The following XPO6 variants were observed in gnomAD, a reference collection of about 807,000 sequenced individuals.
XPO6 encodes the protein exportin 6.
Under a neutral mutation model 130.0 loss-of-function variants are expected in XPO6, and 3 were observed. The ratio of observed to expected loss-of-function variants is 0.02; its 90% confidence interval spans 0.01 to 0.06. The LOEUF (loss-of-function observed/expected upper bound fraction) is 0.06, where lower values mean the gene tolerates loss of function less well. Among genes scored for constraint, XPO6 ranks in the 10% least tolerant of loss-of-function variants. XPO6 has a pLI of 1.00. For missense variants in XPO6, 970 were observed against 1,393.0 expected, an observed-to-expected ratio of 0.70 and a Z score of 4.83; for synonymous variants, 524 against 548.9, an observed-to-expected ratio of 0.95 and a Z score of 0.63.
intron 6 of XPO6, among the ~76,000 whole-genome samples, chr16:28,158,223 A>C (rs12597515): frequency 0.57 from 87,233 of 152,090 alleles, 27,460 homozygotes; most frequent in South Asian, 0.72. Flanking sequence ...TCTACATTAA[A>C]ATGGCTGTTG....
In XPO6 at chr16:28,135,242, A is replaced by G. The variant is rs778200046; in HGVS notation, c.1417T>C (p.Leu473=). Residue 473 remains leucine, a synonymous_variant, in exon 10 of 24, where the codon TTG becomes CTG. Coordinates refer to ENST00000304658, the MANE Select transcript of XPO6 (RefSeq NM_015171.4). ...TCGTCATCCAGAGTCTCATCATCCAACTCCTCCAGCTGGGCTTGGTTGTAT... is the reference window on the plus strand; with the variant it reads ...TCGTCATCCAGAGTCTCATCATCCAGCTCCTCCAGCTGGGCTTGGTTGTAT... ...FRYNQAQLEE[L]DDETLDDDQQ... The G allele has an allele frequency of 1.9e-6, 3 of 1,613,188 alleles. No homozygotes were observed. The highest frequency in any genetic ancestry group is 1.7e-6 in the Non-Finnish European group (2 of 1,179,694).
chr16:28,206,317 G>A (rs992114368), intron 1 of XPO6, among the ~76,000 whole-genome samples: 1 of 152,082 alleles, frequency 6.6e-6, no homozygotes, highest in African/African-American at 2.4e-5. Context: ...GAGGCAAGAG[G>A]ACTGCTTGAG....
At chr16:28,103,039 C>T (rs189072728) in intron 21 of XPO6, among the ~76,000 whole-genome samples, 2 of 152,142 alleles carry the variant, frequency 1.3e-5, no homozygotes, top group Admixed American at 1.3e-4. Context: ...GGAAGTATAA[C>T]AGAGTAAACT....
chr16:28,200,618 T>C (rs1441223818), intron 1 of XPO6, among the ~76,000 whole-genome samples: 1 of 152,124 alleles, frequency 6.6e-6, no homozygotes, highest in African/African-American at 2.4e-5. Flanking sequence ...CCTAGTGATC[T>C]AGAAAAAAAC....
At chr16:28,182,522 A>G (rs567044764) in intron 1 of XPO6, among the ~76,000 whole-genome samples, 6 of 152,184 alleles carry the variant, frequency 3.9e-5, no homozygotes, top group Non-Finnish European at 8.8e-5. Flanking sequence ...CAATACTTTG[A>G]GCGCTTGTGA....
At chr16:28,155,383 C>T (rs770208376) in intron 7 of XPO6, among the ~76,000 whole-genome samples, 2 of 151,938 alleles carry the variant, frequency 1.3e-5, no homozygotes, top group Non-Finnish European at 2.9e-5. Context: ...CATAAATGAC[C>T]TCATCTGCAA....
At position 28,106,302 on chromosome 16, in the gene XPO6, G is replaced by A. The variant is rs576754100; in HGVS notation, c.2612+81C>T. The A allele has an allele frequency of 1.7e-5, 28 of 1,606,956 alleles. No individual in the cohort carries two copies. Among genetic ancestry groups the A allele is most frequent in the African/African-American group, 2.7e-5 (2 of 74,674 alleles). On this transcript the variant is annotated intron_variant, in intron 19 of 23. Transcript: ENST00000304658. This position sits in a 1 kb window ranked among gnomAD's most constrained non-coding sequence, Gnocchi z 4.2. ...CCATGCTGTGGCAAGTGCAGAACAGGAGCAAAAAGCCACACTTTGTCGCCA... is the reference window on the plus strand; with the variant it reads ...CCATGCTGTGGCAAGTGCAGAACAGAAGCAAAAAGCCACACTTTGTCGCCA...
rs1365800645 is a variant in XPO6 at position 28,211,688 on chromosome 16, G to A, written c.-320C>T. 1.3e-5 allele frequency: 5 copies of A among 392,916 alleles called. No homozygotes were observed. Among genetic ancestry groups the A allele is most frequent in the African/African-American group, 2.1e-5 (1 of 48,328 alleles). 24.3% of individuals were successfully genotyped at this position (392,916 alleles called of 1,614,324 possible). A position where few individuals can be genotyped will look rare whatever the true frequency, so the allele number is the denominator to read the frequency against. On this transcript the variant is annotated 5_prime_UTR_variant, in exon 1 of 24. Coordinates refer to ENST00000304658, the MANE Select transcript of XPO6 (RefSeq NM_015171.4). ...CCGCCCGGGCCCGACCCCCGCGGGG[G>A]AGGCTGCGGGCCCAGGCAGGGGCTC...
At chr16:28,134,019 T>G in intron 10 of XPO6, 86 bp from the exon 11 acceptor site, 1 of 1,358,290 alleles carries the variant, frequency 7.4e-7, no homozygotes, top group Middle Eastern at 1.8e-4. Context: ...GACATAAAAT[T>G]TTGAAGAAAT....
Position 28,101,662 on chromosome 16 carries a change from G to C in XPO6, c.3072C>G (p.Phe1024Leu), listed in dbSNP as rs966119176. ...CCTGGAGCAGCACGTTCACAAACTG[G>C]AACAGCATGGCAGTCCGGAAGATCT... is the stretch of plus-strand genomic sequence containing the variant. ...HKKIFRTAML[F>L]QFVNVLLQVL... Residue 1024 changes from phenylalanine to leucine, a missense_variant, in exon 23 of 24, where the codon TTC becomes TTG. Physicochemically the swap from Phe to Leu is conservative, Grantham distance 22 (BLOSUM62 0). Transcript: ENST00000304658. This position sits in a 1 kb window ranked among gnomAD's most constrained non-coding sequence, Gnocchi z 5.4. The C allele has an allele frequency of 2.5e-6, 4 of 1,610,920 alleles. No individual in the cohort carries two copies. Among genetic ancestry groups the C allele is most frequent in the East Asian group, 2.2e-5 (1 of 44,776 alleles).
intron 8 of XPO6, among the ~76,000 whole-genome samples, chr16:28,146,607 A>T (rs1202603212): frequency 5.3e-5 from 8 of 152,214 alleles, no homozygotes; most frequent in Non-Finnish European, 1.2e-4. Flanking sequence ...ACCCCCAGCC[A>T]ATGCTCTTTC....
In XPO6 at chr16:28,175,953, A is replaced by G; in HGVS notation, c.350T>C (p.Ile117Thr). 9 of 1,614,212 alleles carry G rather than the reference A, an allele frequency of 5.6e-6. No homozygotes were observed. The highest frequency in any genetic ancestry group is 7.6e-6 in the Non-Finnish European group (9 of 1,180,034). Residue 117 changes from isoleucine to threonine, a missense_variant, in exon 4 of 24, where the codon ATT becomes ACT. Coordinates refer to ENST00000304658, the MANE Select transcript of XPO6 (RefSeq NM_015171.4). ...GAACATGGGCCAATCCTGACGTCCA[A>G]TATCAACAATAACTTTGCAGAGCTT... ...RNKLCKVIVDIGRQDWPMFYH... is the reference protein window; with the variant it reads ...RNKLCKVIVDTGRQDWPMFYH...
intron 8 of XPO6, among the ~76,000 whole-genome samples, chr16:28,152,034 T>C (rs756133913): frequency 6.6e-6 from 1 of 152,160 alleles, no homozygotes; most frequent in Non-Finnish European, 1.5e-5. Context: ...TATAAAATTA[T>C]ACCTCAATAA....
At chr16:28,182,739 T>A (rs138044702) in intron 1 of XPO6, among the ~76,000 whole-genome samples, 3 of 152,186 alleles carry the variant, frequency 2.0e-5, no homozygotes, top group African/African-American at 7.2e-5. Context: ...TTCTAAAATG[T>A]TTCAAGTGTT....
At chr16:28,186,374 C>CTGTTTTTTTTTTTTTTT (rs2043693656) in intron 1 of XPO6, among the ~76,000 whole-genome samples, 1 of 81,442 alleles carries the variant, frequency 1.2e-5, no homozygotes, top group Non-Finnish European at 2.1e-5. Flanking sequence ...CCCAGTTATT[C>CTGTTTTTTTTTTTTTTT]TTTTTTTTTT....
At chr16:28,129,447 C>G (rs867003580) in intron 12 of XPO6, among the ~76,000 whole-genome samples, 2 of 152,272 alleles carry the variant, frequency 1.3e-5, no homozygotes, top group Middle Eastern at 3.4e-3. Flanking sequence ...AAGGTAGAAC[C>G]TTCAGATGAG....
At chr16:28,171,057 T>C (rs529766330) in intron 4 of XPO6, among the ~76,000 whole-genome samples, 1 of 151,336 alleles carries the variant, frequency 6.6e-6, no homozygotes, top group African/African-American at 2.4e-5. Flanking sequence ...TAAATGTAGT[T>C]AATTCCCTGA....
intron 1 of XPO6, among the ~76,000 whole-genome samples, chr16:28,209,583 T>C (rs915575102): frequency 6.9e-6 from 1 of 144,694 alleles, no homozygotes; most frequent in Admixed American, 7.3e-5. Flanking sequence ...GAAGTTGCCG[T>C]GAGCTGAGAC....
chr16:28,121,207 T>C (rs779218814), intron 14 of XPO6, among the ~76,000 whole-genome samples: 2 of 152,284 alleles, frequency 1.3e-5, no homozygotes, highest in Non-Finnish European at 2.9e-5. Flanking sequence ...TATGGCCTTA[T>C]GCCATTCTGC....
Sources: gnomAD v4.1 joint callset for allele counts (sites outside exome capture counted in the v4.1 genomes callset) on GRCh38, gnomAD v4.1.1 for gene constraint, Gnocchi (gnomAD v3.1) non-coding constraint, MANE v1.5 for transcripts, NCBI Gene and HGNC (gene_info 2026-07-23, HGNC 2026-07-21) for gene names.